Variants in B4GALNT2 observed in about 807,000 individuals in gnomAD.
B4GALNT2 encodes the protein N-acetylneuraminylgalactosylglucosyl-glucoside beta-1,4-N- acetylgalactosaminyltransferase 2.
B4GALNT2 carries 42 observed loss-of-function variants against 51.1 expected under a neutral mutation model. The ratio of observed to expected loss-of-function variants is 0.82; its 90% CI spans 0.64 to 1.06. The LOEUF (loss-of-function observed/expected upper bound fraction) is 1.06. Ranked by LOEUF, B4GALNT2 falls within the 50% of genes least tolerant of loss-of-function variation. The pLI is 0.00. For missense variants in B4GALNT2, 602 were observed against 633.6 expected, an observed-to-expected ratio of 0.95 and a Z score of 0.54; for synonymous variants, 253 against 251.7, an observed-to-expected ratio of 1.01 and a Z score of -0.05.
chr17:49,172,427 T>C lies in B4GALNT2; in HGVS notation c.*2699T>C. Reference sequence around the variant, plus strand: ...TTATTGTATCTCTCCACCAAACCAGTTGTTCTGCTTCTGTCTTTGCAGCTG... The same window carrying C: ...TTATTGTATCTCTCCACCAAACCAGCTGTTCTGCTTCTGTCTTTGCAGCTG... On this transcript the variant is annotated 3_prime_UTR_variant, in exon 11 of 11. Coordinates refer to ENST00000393354, the MANE Select transcript of B4GALNT2 (RefSeq NM_001159387.2). 6.5e-6 allele frequency: 1 copy of C among 152,866 alleles called. No individual in the cohort carries two copies. The highest frequency in any genetic ancestry group is 1.5e-5 in the Non-Finnish European group (1 of 68,388). 9.5% of individuals were successfully genotyped at this position (152,866 alleles called of 1,614,324 possible). A position where few individuals can be genotyped will look rare whatever the true frequency, so the allele number is the denominator to read the frequency against.
chr17:49,174,286 A>C lies in B4GALNT2; in HGVS notation c.*4558A>C, dbSNP rs2042974810. On this transcript the variant is annotated 3_prime_UTR_variant, in exon 11 of 11. Coordinates refer to ENST00000393354, the MANE Select transcript of B4GALNT2 (RefSeq NM_001159387.2). ...AACACTGTGAAAATTTTTTATGAGTAGGTTCAATTGTTTGCCCTACATAAG... is the reference window on the plus strand; with the variant it reads ...AACACTGTGAAAATTTTTTATGAGTCGGTTCAATTGTTTGCCCTACATAAG... 1 of 152,208 alleles carries C rather than the reference A, an allele frequency of 6.6e-6. No homozygotes were observed. The highest frequency in any genetic ancestry group is 1.5e-5 in the Non-Finnish European group (1 of 68,034). 9.4% of individuals were successfully genotyped at this position (152,208 alleles called of 1,614,324 possible).
intron 1 of B4GALNT2, among the ~76,000 whole-genome samples, chr17:49,140,382 G>A (rs1289065423): frequency 1.3e-5 from 2 of 152,192 alleles, no homozygotes; most frequent in Non-Finnish European, 2.9e-5. Flanking sequence ...TTACAGGCAT[G>A]AGCCACCACA....
intron 1 of B4GALNT2, among the ~76,000 whole-genome samples, chr17:49,134,170 G>C (rs1230380796): frequency 6.6e-6 from 1 of 152,164 alleles, no homozygotes; most frequent in Non-Finnish European, 1.5e-5. Context: ...CGGCAAATTT[G>C]ACTTTTCCTC....
At position 49,175,700 on chromosome 17, in the gene B4GALNT2, A is replaced by C. The variant is rs2042983035; in HGVS notation, c.*5972A>C. 6.6e-6 allele frequency: 1 copy of C among 152,152 alleles called. No individual in the cohort carries two copies. Among genetic ancestry groups the C allele is most frequent in the Non-Finnish European group, 1.5e-5 (1 of 68,056 alleles). 9.4% of individuals were successfully genotyped at this position (152,152 alleles called of 1,614,324 possible). ...ATCTGGGGGGTATATCCTAACAGGG[A>C]ACTGCCAAGCCTCTATATCACCCTC... On this transcript the variant is annotated 3_prime_UTR_variant, in exon 11 of 11. Transcript: ENST00000393354.
intron 7 of B4GALNT2, 128 bp from the exon 8 acceptor site, chr17:49,163,960 G>A (rs1567866034): frequency 1.2e-6 from 1 of 825,204 alleles, no homozygotes; most frequent in South Asian, 2.0e-5. Flanking sequence ...GCACCTCCTG[G>A]GTACAAGAGG....
chr17:49,142,655 G>A (rs1225144285), intron 3 of B4GALNT2, among the ~76,000 whole-genome samples: 1 of 152,072 alleles, frequency 6.6e-6, no homozygotes, highest in Non-Finnish European at 1.5e-5. Context: ...TCACACCACT[G>A]CACTCCAGCT....
At position 49,176,496 on chromosome 17, in the gene B4GALNT2, C is replaced by T. The variant is rs1156555978; in HGVS notation, c.*6768C>T. The T allele has an allele frequency of 6.6e-6, 1 of 152,220 alleles. No individual in the cohort carries two copies. The highest frequency in any genetic ancestry group is 6.5e-5 in the Admixed American group (1 of 15,290). The allele number at this position is 152,220 out of a possible 1,614,324, so 9.4% of individuals were successfully genotyped here. A position where few individuals can be genotyped will look rare whatever the true frequency, so the allele number is the denominator to read the frequency against. ...TGCCACGTCCTTAAGGCACAGCTCG[C>T]TCATGCTATTGTTTGTGGCTTAGGA... On this transcript the variant is annotated 3_prime_UTR_variant, in exon 11 of 11. Transcript: ENST00000393354.
chr17:49,163,973 T>C, intron 7 of B4GALNT2, 115 bp from the exon 8 acceptor site: 1 of 1,005,042 alleles, frequency 9.9e-7, no homozygotes. Flanking sequence ...ACAAGAGGCA[T>C]GAGACCCACA....
intron 6 of B4GALNT2, 72 bp from the exon 7 acceptor site, chr17:49,160,483 G>A: frequency 1.4e-6 from 2 of 1,423,684 alleles, no homozygotes; most frequent in South Asian, 2.3e-5. Context: ...TGTCATGGTG[G>A]CTTCCCGGGG....
At chr17:49,150,259 C>G (rs1375679897) in intron 3 of B4GALNT2, among the ~76,000 whole-genome samples, 1 of 121,238 alleles carries the variant, frequency 8.2e-6, no homozygotes, top group Non-Finnish European at 1.8e-5. Flanking sequence ...GGGGGTCAGC[C>G]CCCCGCCCGG....
chr17:49,120,692 T>C, the B4GALNT2 span, among the ~76,000 whole-genome samples: 399 of 152,120 alleles, frequency 2.6e-3, 3 homozygotes, highest in African/African-American at 9.4e-3. Context: ...GTATTTTTAG[T>C]AGAGACAGGG....
chr17:49,163,527 A>T (rs2042882702), intron 7 of B4GALNT2, among the ~76,000 whole-genome samples: 2 of 152,218 alleles, frequency 1.3e-5, no homozygotes, highest in Admixed American at 6.5e-5. Context: ...AGGCCGAGGC[A>T]GGTGGATCAC....
chr17:49,128,060 CA>C (rs2042519377), upstream of B4GALNT2, among the ~76,000 whole-genome samples: 1 of 151,768 alleles, frequency 6.6e-6, no homozygotes, highest in African/African-American at 2.4e-5. Context: ...TTTTTTTTAT[CA>C]GGGGTGAGGG....
At chr17:49,126,650 C>CTTT in the B4GALNT2 span, among the ~76,000 whole-genome samples, 1 of 88,010 alleles carries the variant, frequency 1.1e-5, no homozygotes, top group Non-Finnish European at 2.6e-5. Context: ...TTCTTTCTTT[C>CTTT]TTTTTTTTTT....
At chr17:49,157,828 A>G (rs576134775) in intron 5 of B4GALNT2, among the ~76,000 whole-genome samples, 2 of 152,256 alleles carry the variant, frequency 1.3e-5, no homozygotes, top group South Asian at 2.1e-4. Flanking sequence ...CATGCTTATC[A>G]TCTCTCTTCC....
intron 1 of B4GALNT2, 52 bp from the exon 2 acceptor site, chr17:49,141,195 C>T: frequency 6.5e-7 from 1 of 1,533,162 alleles, no homozygotes; most frequent in South Asian, 1.1e-5. Flanking sequence ...ATATACATTA[C>T]ATAATCAAGA....
chr17:49,140,052 ATATAATATAATT>A lies in B4GALNT2; in HGVS notation c.15-1187_15-1176del, dbSNP rs1425573899. On this transcript the variant is annotated intron_variant, in intron 1 of 10. Coordinates refer to ENST00000393354, the MANE Select transcript of B4GALNT2 (RefSeq NM_001159387.2). Reference sequence around the variant, plus strand: ...TGCCCTATATTAATTTATAAATATAATATAATATAATTTATAATAACCACGTGAATAAAAGCA... The same window carrying A: ...TGCCCTATATTAATTTATAAATATAATATAATAACCACGTGAATAAAAGCA... 2.5e-3 allele frequency among the ~76,000 whole-genome samples: 373 copies of A among 149,238 alleles called. 7 individuals are homozygous for A. Among genetic ancestry groups the A allele is most frequent in the African/African-American group, 8.3e-3 (341 of 41,124 alleles).
intron 6 of B4GALNT2, among the ~76,000 whole-genome samples, chr17:49,159,630 G>A (rs2042844408): frequency 6.6e-6 from 1 of 152,178 alleles, no homozygotes; most frequent in African/African-American, 2.4e-5. Context: ...GTGAGCTACA[G>A]CGTCTGGCCT....
chr17:49,126,761 A>G, the B4GALNT2 span, among the ~76,000 whole-genome samples: 1 of 151,200 alleles, frequency 6.6e-6, no homozygotes, highest in African/African-American at 2.4e-5. Flanking sequence ...CCTGGGTTCA[A>G]GCAATTCTCA....
Sources: gnomAD v4.1 joint callset for allele counts (sites outside exome capture counted in the v4.1 genomes callset) on GRCh38, gnomAD v4.1.1 for gene constraint, MANE v1.5 for transcripts, NCBI Gene and HGNC (gene_info 2026-07-23, HGNC 2026-07-21) for gene names.